Variants in TENM4 observed in about 807,000 individuals in gnomAD.
TENM4 encodes the protein teneurin transmembrane protein 4.
TENM4 carries 82 observed loss-of-function variants against 243.3 expected under a neutral mutation model. The observed-to-expected ratio is 0.34, with a 90% CI of 0.28 to 0.40. The LOEUF (loss-of-function observed/expected upper bound fraction) is 0.40, where lower values mean the gene tolerates loss of function less well. Ranked by LOEUF, TENM4 falls within the 10% of genes least tolerant of loss-of-function variation. The probability of loss-of-function intolerance (pLI) is 1.00; values close to 1 mark genes in which losing one functional copy is unlikely to be tolerated. For synonymous variants in TENM4, 1,412 were observed against 1,456.3 expected (o/e 0.97, Z 0.69); for missense variants, 3,138 against 3,673.3 (o/e 0.85, Z 3.77).
intron 1 of TENM4, among the ~76,000 whole-genome samples, chr11:79,299,845 T>G (rs920822433): frequency 2.0e-5 from 3 of 152,250 alleles, no homozygotes; most frequent in African/African-American, 4.8e-5. Context: ...GTCATCTGGT[T>G]TTAAATTAAT....
At chr11:79,282,690 A>G (rs1165282986) in intron 2 of TENM4, among the ~76,000 whole-genome samples, 1 of 152,172 alleles carries the variant, frequency 6.6e-6, no homozygotes, top group Non-Finnish European at 1.5e-5. Context: ...CAGGGGAGAT[A>G]ATGGTGTAAG....
At chr11:78,746,907 T>C (rs151106722) in intron 19 of TENM4, among the ~76,000 whole-genome samples, 1 of 152,304 alleles carries the variant, frequency 6.6e-6, no homozygotes, top group Non-Finnish European at 1.5e-5. Flanking sequence ...AGCAGACAAG[T>C]TCATTTCATG....
chr11:79,359,452 C>A (rs1365567902), intron 1 of TENM4, among the ~76,000 whole-genome samples: 1 of 151,952 alleles, frequency 6.6e-6, no homozygotes, highest in Non-Finnish European at 1.5e-5. Context: ...AATAGGATGT[C>A]TTGGAATTTG....
At chr11:79,128,942 T>C (rs1235247193) in intron 4 of TENM4, among the ~76,000 whole-genome samples, 1 of 152,142 alleles carries the variant, frequency 6.6e-6, no homozygotes, top group Admixed American at 6.5e-5. Context: ...TAGCTCCAGA[T>C]TGACTACAAG....
chr11:79,246,561 A>G (rs1855520272), intron 2 of TENM4, among the ~76,000 whole-genome samples: 1 of 152,232 alleles, frequency 6.6e-6, no homozygotes, highest in African/African-American at 2.4e-5. Context: ...TAACTTCTGG[A>G]TACCTGGATG....
intron 4 of TENM4, among the ~76,000 whole-genome samples, chr11:79,130,171 T>C (rs1056078490): frequency 9.2e-5 from 14 of 152,126 alleles, no homozygotes; most frequent in African/African-American, 2.9e-4. Context: ...GGAGCGCACA[T>C]CCATAGGAAA....
intron 7 of TENM4, among the ~76,000 whole-genome samples, chr11:78,891,995 G>A (rs1220793678): frequency 6.6e-6 from 1 of 152,172 alleles, no homozygotes; most frequent in Non-Finnish European, 1.5e-5. Flanking sequence ...CTGAGGATCT[G>A]TATTTCTCCC....
intron 4 of TENM4, among the ~76,000 whole-genome samples, chr11:79,115,937 C>T (rs762166491): frequency 2.0e-5 from 3 of 152,206 alleles, no homozygotes; most frequent in Non-Finnish European, 4.4e-5. Context: ...CCCAGATGGG[C>T]AGACAGGAGA....
At chr11:79,384,560 C>T (rs1858069925) in intron 1 of TENM4, among the ~76,000 whole-genome samples, 1 of 152,190 alleles carries the variant, frequency 6.6e-6, no homozygotes. Flanking sequence ...GCACAAACTA[C>T]TTCTTCCTTC....
At chr11:78,918,313 G>A (rs1856367440) in intron 6 of TENM4, among the ~76,000 whole-genome samples, 1 of 152,128 alleles carries the variant, frequency 6.6e-6, no homozygotes, top group Admixed American at 6.5e-5. Context: ...CCAGAGTCAA[G>A]GCACAAACGA....
Position 79,036,240 on chromosome 11 carries a change from G to C in TENM4, c.493+28498C>G, listed in dbSNP as rs1435466. 2.0e-5 allele frequency among the ~76,000 whole-genome samples: 3 copies of C among 152,288 alleles called. No homozygotes were observed. In the South Asian group the frequency reaches 6.2e-4, roughly 32 times the overall value. Reference sequence around the variant, plus strand: ...TGAGGAGCAAGGCTCCAGGACACTCGTCCACCCAAGGCAGGCATCCTTCTC... The same window carrying C: ...TGAGGAGCAAGGCTCCAGGACACTCCTCCACCCAAGGCAGGCATCCTTCTC... On this transcript the variant is annotated intron_variant, in intron 6 of 33. Transcript: ENST00000278550.
chr11:79,273,705 G>T (rs1856006851), intron 2 of TENM4, among the ~76,000 whole-genome samples: 1 of 152,132 alleles, frequency 6.6e-6, no homozygotes, highest in African/African-American at 2.4e-5. Flanking sequence ...GTTTCTAAAG[G>T]CCTGAGATCT....
rs561996456 is a variant in TENM4 at position 78,852,357 on chromosome 11, G to A, written c.1681+1747C>T. Among the ~76,000 whole-genome samples, 18 of 152,288 alleles carry A rather than the reference G, an allele frequency of 1.2e-4. No homozygotes were observed. The South Asian group carries it at 3.5e-3, about 30-fold the overall frequency. On this transcript the variant is annotated intron_variant, in intron 12 of 33. Coordinates refer to ENST00000278550, the MANE Select transcript of TENM4 (RefSeq NM_001098816.3). ...CAAAGGGCAAATTTCAAGTAAGCAG[G>A]AAATGGACTGAAAATGACTCCTGTT...
At chr11:78,747,118 G>A (rs1161429876) in intron 19 of TENM4, among the ~76,000 whole-genome samples, 1 of 152,204 alleles carries the variant, frequency 6.6e-6, no homozygotes, top group Non-Finnish European at 1.5e-5. Context: ...GCCTGTAATG[G>A]AAATAATAAT....
chr11:79,218,164 G>C (rs1864088474), intron 2 of TENM4, among the ~76,000 whole-genome samples: 2 of 152,054 alleles, frequency 1.3e-5, no homozygotes, highest in Middle Eastern at 3.2e-3. Flanking sequence ...ATTTCAAATA[G>C]GCAATAATGG....
Position 78,847,771 on chromosome 11 carries a change from A to C in TENM4, c.1681+6333T>G, listed in dbSNP as rs372712534. Among the ~76,000 whole-genome samples the C allele has an allele frequency of 5.3e-5, 8 of 152,320 alleles. No homozygotes were observed. In the South Asian group the frequency reaches 1.2e-3, roughly 24 times the overall value. On this transcript the variant is annotated intron_variant, in intron 12 of 33. Coordinates refer to ENST00000278550, the MANE Select transcript of TENM4 (RefSeq NM_001098816.3). ...TAATTCAGAGGAAGGGGACATAAGG[A>C]GAGGTAGAGAAGGGGCTTATTAAAA...
intron 1 of TENM4, among the ~76,000 whole-genome samples, chr11:79,408,510 A>T (rs1858620721): frequency 1.3e-5 from 2 of 152,246 alleles, no homozygotes; most frequent in African/African-American, 2.4e-5. Context: ...CGTTTTGAGG[A>T]TTACATTAAA....
chr11:79,005,208 C>T (rs1443203573), intron 6 of TENM4, among the ~76,000 whole-genome samples: 2 of 152,088 alleles, frequency 1.3e-5, no homozygotes, highest in East Asian at 3.9e-4. Context: ...TCCATTCCTA[C>T]TGAAACTATT....
intron 17 of TENM4, among the ~76,000 whole-genome samples, chr11:78,772,550 T>C (rs917530215): frequency 6.6e-6 from 1 of 152,160 alleles, no homozygotes; most frequent in African/African-American, 2.4e-5. Context: ...TGCCATGAAT[T>C]AATGGGAAAT....
Sources: gnomAD v4.1 joint callset for allele counts (sites outside exome capture counted in the v4.1 genomes callset) on GRCh38, gnomAD v4.1.1 for gene constraint, MANE v1.5 for transcripts, NCBI Gene and HGNC (gene_info 2026-07-23, HGNC 2026-07-21) for gene names.